The following AMN1 variants were observed in gnomAD, a reference collection of about 807,000 sequenced individuals.
AMN1 encodes the protein antagonist of mitotic exit network 1 homolog.
In AMN1, 20 loss-of-function variants were observed where a neutral mutation model predicts 33.0. The observed-to-expected ratio is 0.61, with a 90% CI of 0.43 to 0.88. AMN1 has a LOEUF of 0.88. Among genes scored for constraint, AMN1 ranks in the 40% least tolerant of loss-of-function variants. AMN1 has a pLI of 0.00. For missense variants in AMN1, 246 were observed against 307.4 expected, an observed-to-expected ratio of 0.80 and a Z score of 1.49; for synonymous variants, 114 against 111.9, an observed-to-expected ratio of 1.02 and a Z score of -0.12.
intron 6 of AMN1, among the ~76,000 whole-genome samples, chr12:31,686,853 C>T (rs1174654321): frequency 6.6e-6 from 1 of 152,136 alleles, no homozygotes; most frequent in African/African-American, 2.4e-5. Flanking sequence ...CTGACAGCCA[C>T]CACGTCCAAC....
At chr12:31,718,729 T>C (rs1939772453) in intron 1 of AMN1, among the ~76,000 whole-genome samples, 1 of 152,116 alleles carries the variant, frequency 6.6e-6, no homozygotes, top group African/African-American at 2.4e-5. Flanking sequence ...TTTGCCTGGG[T>C]CTATAGACCT....
chr12:31,683,559 T>C lies in AMN1; in HGVS notation c.703+5448A>G, dbSNP rs1179827278. 6.6e-6 allele frequency among the ~76,000 whole-genome samples: 1 copy of C among 152,100 alleles called. No homozygotes were observed. Among genetic ancestry groups the C allele is most frequent in the Non-Finnish European group, 1.5e-5 (1 of 67,968 alleles). On this transcript the variant is annotated intron_variant, in intron 6 of 6. Transcript: ENST00000281471. This position sits in a 1 kb window ranked among gnomAD's most constrained non-coding sequence, Gnocchi z 4.1. ...TAATTGAATCATGGGGGCAAGTCTT[T>C]CCTGTGCTGTTCTTATGATAGTAAA...
chr12:31,689,478 G>A lies in AMN1; in HGVS notation c.592-360C>T, dbSNP rs117620314. 1.5e-4 allele frequency among the ~76,000 whole-genome samples: 23 copies of A among 152,196 alleles called. No individual in the cohort carries two copies. In the East Asian group the frequency reaches 2.7e-3, roughly 18 times the overall value. Reference sequence around the variant, plus strand: ...TGTAATAGTAAAAAAAGTGGAGAACGGGAAAATCAATGCTTTATAGAAAAC... The same window carrying A: ...TGTAATAGTAAAAAAAGTGGAGAACAGGAAAATCAATGCTTTATAGAAAAC... On this transcript the variant is annotated intron_variant, in intron 5 of 6. Transcript: ENST00000281471.
chr12:31,705,114 A>G, intron 2 of AMN1, among the ~76,000 whole-genome samples: 1 of 152,242 alleles, frequency 6.6e-6, no homozygotes, highest in Middle Eastern at 3.2e-3. Context: ...ATAAAGCATT[A>G]TAATAAAGAT....
At chr12:31,702,668 T>G (rs192539499) in intron 2 of AMN1, among the ~76,000 whole-genome samples, 1 of 152,162 alleles carries the variant, frequency 6.6e-6, no homozygotes, top group Non-Finnish European at 1.5e-5. Context: ...TAATAAGTTA[T>G]AAGAATAATG....
chr12:31,710,100 T>C (rs771551206), intron 1 of AMN1, among the ~76,000 whole-genome samples: 1 of 152,244 alleles, frequency 6.6e-6, no homozygotes, highest in Non-Finnish European at 1.5e-5. Flanking sequence ...AACTTGTTTT[T>C]ACTATTTTTC....
At chr12:31,728,864 C>A (rs1376465307) in intron 1 of AMN1, 107 bp downstream of exon 1, 15 of 1,080,312 alleles carry the variant, frequency 1.4e-5, no homozygotes, top group African/African-American at 2.3e-5. Context: ...CTTCAGAGGT[C>A]GGCGGGGGGG....
In AMN1 at chr12:31,701,899, C is replaced by A. The variant is rs1305422573; in HGVS notation, c.280G>T (p.Ala94Ser). The change falls in exon 3 of 7, where the codon GCT becomes TCT. Residue 94 changes from alanine (A) to serine (S), a missense_variant. Transcript: ENST00000281471. ...CRKLKKLNLN[A>S]SKGNRVSVTS... ...ACAGAAACTCGGTTCCCTTTTGAAG[C>A]ATTTAAATTTAATTTCTTCAGTTTT... 2.5e-6 allele frequency: 4 copies of A among 1,606,818 alleles called. No homozygotes were observed. The East Asian group carries it at 6.7e-5, about 27-fold the overall frequency.
chr12:31,702,893 C>T (rs935598956), intron 2 of AMN1, among the ~76,000 whole-genome samples: 1 of 152,156 alleles, frequency 6.6e-6, no homozygotes, highest in African/African-American at 2.4e-5. Flanking sequence ...TGCACCACCA[C>T]GCCTGGCTAA....
At chr12:31,694,579 T>C (rs1169516729) in intron 5 of AMN1, among the ~76,000 whole-genome samples, 1 of 151,660 alleles carries the variant, frequency 6.6e-6, no homozygotes, top group Non-Finnish European at 1.5e-5. Flanking sequence ...AAGACCCATC[T>C]CTACAAAAAA....
rs188952471 is a variant in AMN1, at chr12:31,722,970, A to C, written c.38+6001T>G. Among the ~76,000 whole-genome samples the C allele has an allele frequency of 2.6e-5, 4 of 152,280 alleles. No individual in the cohort carries two copies. In the East Asian group the frequency reaches 7.7e-4, roughly 29 times the overall value. ...TCAGGAGCTCAAGACCAGGCTGGCC[A>C]AGCTGGTGAGACCCTGTCTCTACTA... On this transcript the variant is annotated intron_variant, in intron 1 of 6. Coordinates refer to ENST00000281471, the MANE Select transcript of AMN1 (RefSeq NM_001113402.2).
chr12:31,692,469 G>A (rs558811940), intron 5 of AMN1, among the ~76,000 whole-genome samples: 5 of 147,496 alleles, frequency 3.4e-5, no homozygotes, highest in African/African-American at 7.5e-5. Context: ...AAAAACAAAC[G>A]AAAAAAAACA....
At position 31,672,245 on chromosome 12, in the gene AMN1, G is replaced by T; in HGVS notation, c.*59C>A. 2 of 1,168,924 alleles carry T rather than the reference G, an allele frequency of 1.7e-6. No individual in the cohort carries two copies. The highest frequency in any genetic ancestry group is 1.3e-5 in the South Asian group (1 of 75,018). 72.4% of individuals were successfully genotyped at this position (1,168,924 alleles called of 1,614,324 possible). A position where few individuals can be genotyped will look rare whatever the true frequency, so the allele number is the denominator to read the frequency against. ...AGTAGAATGCAAATCTCTATAGATG[G>T]TTTCCTGGGAAAGTAGTTTTGATAA... On this transcript the variant is annotated 3_prime_UTR_variant, in exon 7 of 7. Transcript: ENST00000281471.
chr12:31,713,237 A>C (rs1939537959), intron 1 of AMN1, among the ~76,000 whole-genome samples: 1 of 152,142 alleles, frequency 6.6e-6, no homozygotes, highest in Non-Finnish European at 1.5e-5. Flanking sequence ...TGTATGTATA[A>C]GTATCTCTCT....
chr12:31,672,682 C>A, intron 6 of AMN1: 1 of 244,482 alleles, frequency 4.1e-6, no homozygotes, highest in Non-Finnish European at 8.0e-6. Context: ...TCACCATTAA[C>A]CTGTGTTAAT....
chr12:31,671,229 T>C lies in AMN1; in HGVS notation c.*1075A>G, dbSNP rs1341306381. 3 of 152,192 alleles carry C rather than the reference T, an allele frequency of 2.0e-5. No individual in the cohort carries two copies. The highest frequency in any genetic ancestry group is 7.2e-5 in the African/African-American group (3 of 41,456). 9.4% of individuals were successfully genotyped at this position (152,192 alleles called of 1,614,324 possible). A position where few individuals can be genotyped will look rare whatever the true frequency, so the allele number is the denominator to read the frequency against. Reference sequence around the variant, plus strand: ...ACAGGCCTTACCCATTTTGCACATATATACATATGCACCACCTTTGCAGTG... The same window carrying C: ...ACAGGCCTTACCCATTTTGCACATACATACATATGCACCACCTTTGCAGTG... On this transcript the variant is annotated 3_prime_UTR_variant, in exon 7 of 7. Coordinates refer to ENST00000281471, the MANE Select transcript of AMN1 (RefSeq NM_001113402.2).
chr12:31,724,687 C>G (rs1939998213), intron 1 of AMN1, among the ~76,000 whole-genome samples: 1 of 152,158 alleles, frequency 6.6e-6, no homozygotes, highest in African/African-American at 2.4e-5. Context: ...CTCTCTGCCC[C>G]CCACCGCCAC....
intron 1 of AMN1, chr12:31,715,312 G>A (rs1939628646): frequency 4.8e-6 from 1 of 207,918 alleles, no homozygotes; most frequent in Admixed American, 4.4e-5. Flanking sequence ...GAAGAAGAGC[G>A]GGGAGAAAGT....
chr12:31,689,256 A>G, intron 5 of AMN1, 138 bp from the exon 6 acceptor site: 2 of 625,026 alleles, frequency 3.2e-6, no homozygotes, highest in Non-Finnish European at 5.5e-6. Context: ...AAAGACCAAT[A>G]TAAGTCTGAA....
Sources: allele counts gnomAD v4.1 joint callset (sites outside exome capture counted in the v4.1 genomes callset), GRCh38; gene constraint gnomAD v4.1.1; non-coding constraint Gnocchi (gnomAD v3.1); transcripts MANE v1.5; gene names NCBI Gene and HGNC (gene_info 2026-07-23, HGNC 2026-07-21).